The following STK3 variants were observed in gnomAD, a reference collection of about 807,000 sequenced individuals.
STK3 encodes serine/threonine kinase 3.
A neutral mutation model predicts 58.0 loss-of-function variants in STK3; 41 were observed. The ratio of observed to expected loss-of-function variants is 0.71; its 90% CI spans 0.55 to 0.92. The LOEUF is 0.92. STK3 is among the 40% of genes least tolerant of loss of function. The probability of loss-of-function intolerance (pLI) is 0.00; values close to 1 mark genes in which losing one functional copy is unlikely to be tolerated. For synonymous variants in STK3, 170 were observed against 191.0 expected, an observed-to-expected ratio of 0.89 and a Z score of 0.91; for missense variants, 479 against 602.7, an observed-to-expected ratio of 0.79 and a Z score of 2.15.
intron 1 of STK3, 72 bp from the exon 2 acceptor site, chr8:98,774,891 A>AT: frequency 9.3e-7 from 1 of 1,077,464 alleles, no homozygotes; most frequent in Non-Finnish European, 1.3e-6. Context: ...AATTTTTAAA[A>AT]TTTTACCAAG....
chr8:98,686,332 T>C (rs1345703923), intron 6 of STK3, among the ~76,000 whole-genome samples: 1 of 152,206 alleles, frequency 6.6e-6, no homozygotes, highest in Non-Finnish European at 1.5e-5. Flanking sequence ...ACTGTCCAAC[T>C]GGTCCCAAAG....
rs189692011 is a variant in STK3 at position 98,435,202 on chromosome 8, C to T, written n.292-884G>A. Among the ~76,000 whole-genome samples, 2 of 152,316 alleles carry T rather than the reference C, an allele frequency of 1.3e-5. 1 individual carries two copies. Among genetic ancestry groups the T allele is most frequent in the Admixed American group, 1.3e-4 (2 of 15,302 alleles). On this transcript the variant is annotated intron_variant and non_coding_transcript_variant, in intron 2 of 3. Coordinates refer to the STK3 transcript ENST00000517832. ...CTGGGCTACAAACAGAAAGAGGACT[C>T]CAGGAGCCAGCCAGACAGGGCATGG...
At chr8:98,634,517 A>G (rs1003914425) in intron 6 of STK3, among the ~76,000 whole-genome samples, 1 of 152,006 alleles carries the variant, frequency 6.6e-6, no homozygotes, top group Admixed American at 6.6e-5. Context: ...AATAAAAAAT[A>G]AAGGCGGAAG....
intron 8 of STK3, among the ~76,000 whole-genome samples, chr8:98,562,428 TA>T (rs911086871): frequency 4.6e-5 from 7 of 151,982 alleles, no homozygotes; most frequent in African/African-American, 1.7e-4. Context: ...AAAGGCTACA[TA>T]ATATATGATT....
intron 1 of STK3, among the ~76,000 whole-genome samples, chr8:98,926,231 G>C (rs189044693): frequency 6.6e-6 from 1 of 152,272 alleles, no homozygotes; most frequent in East Asian, 1.9e-4. Context: ...TCTGCAGGCT[G>C]CTTGGGTTTC....
chr8:98,798,746 G>A (rs921732688), intron 1 of STK3, among the ~76,000 whole-genome samples: 9 of 152,116 alleles, frequency 5.9e-5, no homozygotes, highest in Non-Finnish European at 1.3e-4. Context: ...GAAGTTTGAG[G>A]TTATAGTGAG....
intron 9 of STK3, among the ~76,000 whole-genome samples, chr8:98,544,701 G>A (rs1810561749): frequency 6.9e-6 from 1 of 145,168 alleles, no homozygotes; most frequent in Non-Finnish European, 1.5e-5. Flanking sequence ...CACACAGCTT[G>A]ACTCTGACTC....
intron 10 of STK3, among the ~76,000 whole-genome samples, chr8:98,518,528 A>G (rs978983797): frequency 5.9e-5 from 9 of 152,196 alleles, no homozygotes; most frequent in Admixed American, 5.9e-4. Context: ...AATCTAGTTT[A>G]GCTGCCCAGT....
At chr8:98,571,634 T>C (rs997035525) in intron 8 of STK3, among the ~76,000 whole-genome samples, 4 of 152,172 alleles carry the variant, frequency 2.6e-5, no homozygotes, top group African/African-American at 7.2e-5. Flanking sequence ...TTTCCAAGGA[T>C]AGAAGCTCTA....
chr8:98,484,716 TTA>T (rs1313981808), intron 10 of STK3, among the ~76,000 whole-genome samples: 2 of 151,956 alleles, frequency 1.3e-5, no homozygotes, highest in Non-Finnish European at 2.9e-5. Flanking sequence ...AATGGTGCAG[TTA>T]ATAAGGATTA....
intron 4 of STK3, among the ~76,000 whole-genome samples, chr8:98,712,834 C>A (rs1826609360): frequency 6.6e-6 from 1 of 151,920 alleles, no homozygotes; most frequent in Non-Finnish European, 1.5e-5. Flanking sequence ...AATATACATT[C>A]TTTTCAGCAC....
intron 6 of STK3, among the ~76,000 whole-genome samples, chr8:98,698,243 G>T (rs1453024159): frequency 5.3e-5 from 8 of 150,778 alleles, no homozygotes; most frequent in African/African-American, 2.0e-4. Flanking sequence ...CTTTTATTTT[G>T]AGCCTATGTG....
chr8:98,738,738 G>A (rs924095918), intron 4 of STK3, among the ~76,000 whole-genome samples: 44 of 152,324 alleles, frequency 2.9e-4, no homozygotes, highest in Non-Finnish European at 4.9e-4. Flanking sequence ...GACAGTGGGC[G>A]CAGGACAGTG....
At chr8:98,684,105 G>A (rs1162003426) in intron 6 of STK3, among the ~76,000 whole-genome samples, 1 of 152,086 alleles carries the variant, frequency 6.6e-6, no homozygotes, top group Non-Finnish European at 1.5e-5. Flanking sequence ...CCATTACTGG[G>A]CTAGTATGCA....
intron 6 of STK3, among the ~76,000 whole-genome samples, chr8:98,645,795 TATACATATATAG>T (rs1563840555): frequency 1.4e-5 from 2 of 146,686 alleles, no homozygotes; most frequent in African/African-American, 4.9e-5. Flanking sequence ...ATTATATATA[TATACATATATAG>T]ATATAGATAC....
chr8:98,461,963 CTT>C (rs59935847), intron 10 of STK3, among the ~76,000 whole-genome samples: 65 of 149,718 alleles, frequency 4.3e-4, no homozygotes, highest in East Asian at 1.6e-3. Context: ...AATTAAAACA[CTT>C]TTTTTTTTTG....
chr8:98,882,788 C>G (rs1318639147), downstream of STK3: 1 of 152,172 alleles, frequency 6.6e-6, no homozygotes. Flanking sequence ...TAGGACAGGG[C>G]CACTCAGATT....
chr8:98,706,426 T>A (rs760883179), intron 6 of STK3, 41 bp downstream of exon 6: 14 of 1,555,470 alleles, frequency 9.0e-6, no homozygotes, highest in Non-Finnish European at 1.0e-5. Flanking sequence ...CGGCAACACT[T>A]ATATAAGGCT....
At chr8:98,470,727 A>G (rs541815993) in intron 10 of STK3, among the ~76,000 whole-genome samples, 1 of 152,298 alleles carries the variant, frequency 6.6e-6, no homozygotes, top group African/African-American at 2.4e-5. Context: ...TTCCTAGACA[A>G]TTTTGCTAGG....
Sources: allele counts gnomAD v4.1 joint callset (sites outside exome capture counted in the v4.1 genomes callset), GRCh38; gene constraint gnomAD v4.1.1; transcripts MANE v1.5; gene names NCBI Gene and HGNC (gene_info 2026-07-23, HGNC 2026-07-21).